CDYL2: variants seen among roughly 807,000 people sequenced by gnomAD.
CDYL2 encodes the protein chromodomain Y like 2.
In CDYL2, 23 loss-of-function variants were observed where a neutral mutation model predicts 49.4. That is an observed-to-expected ratio of 0.47 (90% CI 0.34 to 0.66). The LOEUF is 0.66. Ranked by LOEUF, CDYL2 falls within the 30% of genes least tolerant of loss-of-function variation. The pLI, the probability that CDYL2 is intolerant of heterozygous loss-of-function variation, is 0.01. For synonymous variants in CDYL2, 360 were observed against 268.8 expected, an observed-to-expected ratio of 1.34 and a Z score of -3.32; for missense variants, 678 against 656.4, an observed-to-expected ratio of 1.03 and a Z score of -0.36.
At chr16:80,717,696 G>A (rs1408247102) in intron 1 of CDYL2, among the ~76,000 whole-genome samples, 1 of 152,226 alleles carries the variant, frequency 6.6e-6, no homozygotes, top group East Asian at 1.9e-4. Flanking sequence ...GGACAGACAA[G>A]GCCCCTGTCC....
intron 1 of CDYL2, among the ~76,000 whole-genome samples, chr16:80,715,575 C>G (rs966415730): frequency 6.6e-6 from 1 of 152,154 alleles, no homozygotes; most frequent in African/African-American, 2.4e-5. Flanking sequence ...TGCACCCCTC[C>G]GGCCTCCCTT....
At chr16:80,688,630 G>C (rs528136782) in intron 1 of CDYL2, among the ~76,000 whole-genome samples, 1 of 152,214 alleles carries the variant, frequency 6.6e-6, no homozygotes, top group African/African-American at 2.4e-5. Flanking sequence ...AAACTCAGGG[G>C]AAAGCTGGCT....
At chr16:80,781,603 G>A (rs1284602908) in intron 1 of CDYL2, among the ~76,000 whole-genome samples, 1 of 152,110 alleles carries the variant, frequency 6.6e-6, no homozygotes, top group Non-Finnish European at 1.5e-5. Flanking sequence ...GGTACACATG[G>A]TATGTTCTCC....
intron 5 of CDYL2, among the ~76,000 whole-genome samples, chr16:80,609,502 T>A (rs1906500237): frequency 6.6e-6 from 1 of 152,216 alleles, no homozygotes; most frequent in Admixed American, 6.5e-5. Context: ...TAATAAGTCT[T>A]AGCATATGCT....
At chr16:80,746,634 CCCTTAACAACT>C (rs1905940182) in intron 1 of CDYL2, among the ~76,000 whole-genome samples, 1 of 152,160 alleles carries the variant, frequency 6.6e-6, no homozygotes. Flanking sequence ...GCGGGATCTT[CCCTTAACAACT>C]AGACAATCCA....
intron 1 of CDYL2, among the ~76,000 whole-genome samples, chr16:80,747,377 A>T (rs1905967828): frequency 6.6e-6 from 1 of 152,106 alleles, no homozygotes; most frequent in Non-Finnish European, 1.5e-5. Flanking sequence ...TTAAAAGGAG[A>T]ATAAAAATAC....
intron 3 of CDYL2, among the ~76,000 whole-genome samples, chr16:80,621,467 G>C (rs977194498): frequency 6.6e-6 from 1 of 152,246 alleles, no homozygotes; most frequent in Non-Finnish European, 1.5e-5. Context: ...TGTCCCACTG[G>C]AGTTCCAAGC....
chr16:80,688,607 G>A (rs545367977), intron 1 of CDYL2, among the ~76,000 whole-genome samples: 1 of 152,172 alleles, frequency 6.6e-6, no homozygotes, highest in East Asian at 1.9e-4. Context: ...TGAAACACTG[G>A]AATAACCACA....
At chr16:80,711,566 C>A (rs1297176634) in intron 1 of CDYL2, among the ~76,000 whole-genome samples, 4 of 152,204 alleles carry the variant, frequency 2.6e-5, no homozygotes, top group African/African-American at 4.8e-5. Flanking sequence ...AGGTTTGGAT[C>A]CTGACAGCTC....
chr16:80,800,252 C>G (rs975967968), intron 1 of CDYL2, among the ~76,000 whole-genome samples: 7 of 152,172 alleles, frequency 4.6e-5, no homozygotes, highest in African/African-American at 1.7e-4. Context: ...AAACATTTCT[C>G]CTTATACAGA....
intron 2 of CDYL2, among the ~76,000 whole-genome samples, chr16:80,682,944 A>G (rs1349480666): frequency 6.6e-6 from 1 of 152,228 alleles, no homozygotes. Flanking sequence ...GATGCTAAGT[A>G]AATCCTGTTT....
intron 2 of CDYL2, among the ~76,000 whole-genome samples, chr16:80,667,057 A>G (rs150759235): frequency 6.6e-6 from 1 of 152,312 alleles, no homozygotes; most frequent in Non-Finnish European, 1.5e-5. Context: ...ATGTGTGCAA[A>G]TAAAAACGGA....
chr16:80,791,917 G>C (rs1907622723), intron 1 of CDYL2, among the ~76,000 whole-genome samples: 1 of 152,200 alleles, frequency 6.6e-6, no homozygotes, highest in Non-Finnish European at 1.5e-5. Flanking sequence ...AATATCAGCT[G>C]AGAGGTACTA....
intron 1 of CDYL2, among the ~76,000 whole-genome samples, chr16:80,737,919 G>T (rs1455955463): frequency 6.6e-6 from 1 of 152,172 alleles, no homozygotes; most frequent in Non-Finnish European, 1.5e-5. Flanking sequence ...TGCAGAACGT[G>T]CAGGTTTGTT....
At chr16:80,751,260 A>G (rs1906127676) in intron 1 of CDYL2, among the ~76,000 whole-genome samples, 1 of 152,226 alleles carries the variant, frequency 6.6e-6, no homozygotes, top group Non-Finnish European at 1.5e-5. Flanking sequence ...AAAGCTGGTA[A>G]GTTACTTCAT....
At chr16:80,701,355 G>A (rs8048688) in intron 1 of CDYL2, among the ~76,000 whole-genome samples, 2,696 of 152,278 alleles carry the variant, frequency 0.018, 25 homozygotes, top group African/African-American at 0.025. Context: ...GGATGCAGGG[G>A]AAGAGGCCAC....
chr16:80,680,830 G>A (rs932378489), intron 2 of CDYL2, among the ~76,000 whole-genome samples: 5 of 152,048 alleles, frequency 3.3e-5, no homozygotes, highest in African/African-American at 4.8e-5. Context: ...CAGCATGAAC[G>A]TGCAGAACCC....
At position 80,607,672 on chromosome 16, in the gene CDYL2, G is replaced by A. The variant is rs994273058; in HGVS notation, c.1362+420C>T. Among the ~76,000 whole-genome samples the A allele has an allele frequency of 2.6e-5, 4 of 152,238 alleles. No individual in the cohort carries two copies. In the East Asian group the frequency reaches 7.7e-4, roughly 29 times the overall value. On this transcript the variant is annotated intron_variant, in intron 6 of 6. Transcript: ENST00000570137. ...ATTTAAATGTGACGAGCAGTCGGTGGAGAAAACAAATGAAATAGAGGCATG... is the reference window on the plus strand; with the variant it reads ...ATTTAAATGTGACGAGCAGTCGGTGAAGAAAACAAATGAAATAGAGGCATG...
intron 2 of CDYL2, among the ~76,000 whole-genome samples, chr16:80,663,203 G>C (rs1364763591): frequency 6.6e-6 from 1 of 151,546 alleles, no homozygotes; most frequent in Admixed American, 6.6e-5. Context: ...TTGGGGAGCA[G>C]ATACAATTAA....
Sources: gnomAD v4.1 joint callset for allele counts (sites outside exome capture counted in the v4.1 genomes callset) on GRCh38, gnomAD v4.1.1 for gene constraint, MANE v1.5 for transcripts, NCBI Gene and HGNC (gene_info 2026-07-23, HGNC 2026-07-21) for gene names.